CHSY3: variants seen among roughly 807,000 people sequenced by gnomAD.
The protein encoded by CHSY3 is chondroitin sulfate synthase 3, also known as N-acetylgalactosaminyl-proteoglycan 3-beta-glucuronosyltransferase 3.
Under a neutral mutation model 67.2 loss-of-function variants are expected in CHSY3, and 35 were observed. The observed-to-expected ratio is 0.52, with a 90% CI of 0.40 to 0.69. The LOEUF is 0.69. Ranked by LOEUF, CHSY3 falls within the 30% of genes least tolerant of loss-of-function variation. The pLI is 0.00. For missense variants in CHSY3, 1,069 were observed against 1,138.5 expected, an observed-to-expected ratio of 0.94 and a Z score of 0.88; for synonymous variants, 474 against 434.7, an observed-to-expected ratio of 1.09 and a Z score of -1.12.
At chr5:129,957,348 G>C (rs895317296) in intron 2 of CHSY3, among the ~76,000 whole-genome samples, 14 of 132,474 alleles carry the variant, frequency 1.1e-4, no homozygotes, top group Admixed American at 1.6e-4. Context: ...TTGTTTTTCA[G>C]CTTAAGGACC....
Position 130,185,306 on chromosome 5 carries a change from A to T in CHSY3, c.2164A>T (p.Ile722Phe). The T allele has an allele frequency of 6.2e-7, 1 of 1,612,128 alleles. No individual in the cohort carries two copies. The highest frequency in any genetic ancestry group is 8.5e-7 in the Non-Finnish European group (1 of 1,178,260). The change falls in exon 3 of 3, where the codon ATC (isoleucine) becomes TTC (phenylalanine). Residue 722 changes from isoleucine to phenylalanine, a missense_variant. Coordinates refer to ENST00000305031, the MANE Select transcript of CHSY3 (RefSeq NM_175856.5). ...GCTGCTATTTTGTGATGTTGACTTG[A>T]TCTTCAGAGAAGATTTTCTCCAACG... ...TLLLFCDVDLIFREDFLQRCR... is the reference protein window; with the variant it reads ...TLLLFCDVDLFFREDFLQRCR...
intron 2 of CHSY3, among the ~76,000 whole-genome samples, chr5:130,008,610 A>G (rs1382109217): frequency 1.3e-5 from 2 of 152,228 alleles, no homozygotes; most frequent in Non-Finnish European, 2.9e-5. Context: ...GCAATGGTTC[A>G]TAATCAGACT....
At chr5:130,094,370 A>G (rs1005987706) in intron 2 of CHSY3, among the ~76,000 whole-genome samples, 5 of 152,228 alleles carry the variant, frequency 3.3e-5, no homozygotes, top group African/African-American at 1.2e-4. Flanking sequence ...TTATAAAACA[A>G]ATGGCAGTTT....
At chr5:130,054,536 C>T (rs1765464833) in intron 2 of CHSY3, among the ~76,000 whole-genome samples, 1 of 152,098 alleles carries the variant, frequency 6.6e-6, no homozygotes, top group Non-Finnish European at 1.5e-5. Flanking sequence ...CTACCATGTG[C>T]TGGCCCTGTG....
rs190092348 is a variant in CHSY3, at chr5:130,151,991, A to G, written c.1087-32238A>G. ...AGAAGTTTTTAATTTCTTTGAGGACATATCTATGCCAGGCACTAGGTGCCC... is the reference window on the plus strand; with the variant it reads ...AGAAGTTTTTAATTTCTTTGAGGACGTATCTATGCCAGGCACTAGGTGCCC... On this transcript the variant is annotated intron_variant, in intron 2 of 2. Coordinates refer to ENST00000305031, the MANE Select transcript of CHSY3 (RefSeq NM_175856.5). Among the ~76,000 whole-genome samples the G allele has an allele frequency of 2.1e-3, 323 of 152,340 alleles. 6 individuals carry two copies. The South Asian group carries it at 0.035, about 17-fold the overall frequency.
intron 2 of CHSY3, among the ~76,000 whole-genome samples, chr5:130,132,896 A>AG (rs1768528290): frequency 6.6e-6 from 1 of 152,212 alleles, no homozygotes; most frequent in Admixed American, 6.5e-5. Context: ...GAAACCCTGA[A>AG]GTACCCTAAC....
intron 2 of CHSY3, chr5:130,001,752 A>G (rs1763733320): frequency 9.5e-6 from 8 of 841,802 alleles, no homozygotes; most frequent in Admixed American, 6.2e-5. Flanking sequence ...AAAAATTGGC[A>G]TCCCTTATTC....
chr5:130,054,719 T>G (rs951169858), intron 2 of CHSY3, among the ~76,000 whole-genome samples: 5 of 152,362 alleles, frequency 3.3e-5, no homozygotes, highest in Non-Finnish European at 7.3e-5. Context: ...GTTATTAATG[T>G]TATGAGAATA....
intron 2 of CHSY3, among the ~76,000 whole-genome samples, chr5:130,144,342 A>G (rs1490053557): frequency 4.6e-5 from 7 of 152,270 alleles, no homozygotes; most frequent in African/African-American, 1.7e-4. Context: ...CAAAATCAAC[A>G]CACAAAAATC....
At chr5:129,987,555 T>G (rs1005862596) in intron 2 of CHSY3, among the ~76,000 whole-genome samples, 4 of 152,174 alleles carry the variant, frequency 2.6e-5, no homozygotes, top group African/African-American at 9.7e-5. Flanking sequence ...TGTAAATCAC[T>G]CATGCTTAAA....
At chr5:130,005,439 AAAC>A (rs1763848864) in intron 2 of CHSY3, among the ~76,000 whole-genome samples, 2 of 152,100 alleles carry the variant, frequency 1.3e-5, no homozygotes, top group African/African-American at 4.8e-5. Flanking sequence ...ACAAAAAAAA[AAAC>A]ACGTTATAAT....
chr5:130,125,452 T>TAGATAGATAGATAGATAGATAGAC (rs1200470666), intron 2 of CHSY3, among the ~76,000 whole-genome samples: 53 of 151,912 alleles, frequency 3.5e-4, no homozygotes, highest in African/African-American at 1.2e-3. Flanking sequence ...GATAGATAGA[T>TAGATAGATAGATAGATAGATAGAC]AGACAGACAG....
At chr5:130,010,517 A>C (rs565417724) in intron 2 of CHSY3, among the ~76,000 whole-genome samples, 1 of 152,340 alleles carries the variant, frequency 6.6e-6, no homozygotes, top group African/African-American at 2.4e-5. Context: ...CTAAGTGCAC[A>C]TTAAAAAGTT....
At chr5:129,980,816 A>C (rs564163846) in intron 2 of CHSY3, among the ~76,000 whole-genome samples, 4 of 152,304 alleles carry the variant, frequency 2.6e-5, no homozygotes, top group African/African-American at 9.6e-5. Context: ...GTCTGTGTCT[A>C]GATCCATGTT....
At chr5:130,026,994 A>G (rs1764563395) in intron 2 of CHSY3, among the ~76,000 whole-genome samples, 1 of 152,116 alleles carries the variant, frequency 6.6e-6, no homozygotes, top group Non-Finnish European at 1.5e-5. Context: ...TCCTGTGTTT[A>G]CAGCCATCAT....
intron 2 of CHSY3, among the ~76,000 whole-genome samples, chr5:129,973,913 T>A (rs1762716653): frequency 6.6e-6 from 1 of 152,100 alleles, no homozygotes; most frequent in African/African-American, 2.4e-5. Flanking sequence ...ACTTGTGTTT[T>A]CTCCTAGAAT....
At chr5:129,979,072 C>T (rs1411340249) in intron 2 of CHSY3, among the ~76,000 whole-genome samples, 1 of 151,148 alleles carries the variant, frequency 6.6e-6, no homozygotes, top group Admixed American at 6.6e-5. Context: ...TGGTGGTGGG[C>T]GCCTGTAGTC....
At chr5:129,981,966 C>A (rs374557604) in intron 2 of CHSY3, among the ~76,000 whole-genome samples, 2 of 152,110 alleles carry the variant, frequency 1.3e-5, no homozygotes, top group South Asian at 4.2e-4. Flanking sequence ...TGCAATTATT[C>A]TTCTTTAACC....
chr5:130,014,130 G>GTCCA (rs1764143574), intron 2 of CHSY3, among the ~76,000 whole-genome samples: 1 of 152,112 alleles, frequency 6.6e-6, no homozygotes, highest in Non-Finnish European at 1.5e-5. Context: ...CTACCTCATT[G>GTCCA]TCCATATCAC....
Sources: gnomAD v4.1 joint callset for allele counts (sites outside exome capture counted in the v4.1 genomes callset) on GRCh38, gnomAD v4.1.1 for gene constraint, MANE v1.5 for transcripts, NCBI Gene and HGNC (gene_info 2026-07-23, HGNC 2026-07-21) for gene names.